Variants in TCF7 observed in about 807,000 individuals in gnomAD.
TCF7 encodes transcription factor 7, also known as T-cell-factor-7.
In TCF7, 19 loss-of-function variants were observed where a neutral mutation model predicts 46.8. The observed-to-expected ratio is 0.41, with a 90% CI of 0.28 to 0.60. The LOEUF is 0.60. Ranked by LOEUF, TCF7 falls within the 20% of genes least tolerant of loss-of-function variation. The pLI is 0.35. For synonymous variants in TCF7, 245 were observed against 213.4 expected (o/e 1.15, Z -1.29); for missense variants, 547 against 504.6 (o/e 1.08, Z -0.81).
At chr5:134,129,140 A>ACTTTC (rs942277961) in intron 3 of TCF7, among the ~76,000 whole-genome samples, 18 of 152,180 alleles carry the variant, frequency 1.2e-4, no homozygotes, top group African/African-American at 4.1e-4. Context: ...TCTGTGCTTC[A>ACTTTC]CTTTCCTCGT....
chr5:134,143,554 C>T (rs1208175776), intron 8 of TCF7, 38 bp from the exon 9 acceptor site: 3 of 1,613,758 alleles, frequency 1.9e-6, no homozygotes, highest in Non-Finnish European at 1.7e-6. Flanking sequence ...CAATGTCTGC[C>T]TCCCAGATCT....
chr5:134,110,963 A>T (rs137975654), upstream of TCF7, among the ~76,000 whole-genome samples: 11 of 152,352 alleles, frequency 7.2e-5, no homozygotes, highest in East Asian at 1.7e-3. Flanking sequence ...CAATTAGCCT[A>T]ACAACTTCCG....
At chr5:134,116,135 G>A (rs1444915838) in intron 3 of TCF7, 102 bp downstream of exon 3, 1 of 1,472,582 alleles carries the variant, frequency 6.8e-7, no homozygotes, top group Non-Finnish European at 9.0e-7. Context: ...AAATAGACGA[G>A]ACTCCTGTGC....
At chr5:134,111,601 C>G (rs187681818), upstream of TCF7, among the ~76,000 whole-genome samples, 1 of 152,266 alleles carries the variant, frequency 6.6e-6, no homozygotes, top group Admixed American at 6.5e-5. Context: ...TCTCTGCCAG[C>G]AAAGGTCTTG....
intron 9 of TCF7, chr5:134,145,191 G>C: frequency 1.7e-6 from 1 of 594,920 alleles, no homozygotes; most frequent in East Asian, 4.0e-5. Context: ...CCACTAAGGG[G>C]GCCTGGAGCC....
At chr5:134,141,285 CAGGGATAATACCTGTGCAAGCA>C (rs1452192740) in intron 5 of TCF7, 4 of 155,154 alleles carry the variant, frequency 2.6e-5, no homozygotes, top group Admixed American at 6.5e-5. Flanking sequence ...GCTGCTGGCT[CAGGGATAATACCTGTGCAAGCA>C]GTAAGGGGCA....
chr5:134,137,317 G>A (rs1467228554), intron 3 of TCF7, among the ~76,000 whole-genome samples: 2 of 151,778 alleles, frequency 1.3e-5, no homozygotes, highest in Non-Finnish European at 2.9e-5. Flanking sequence ...CCAGCTACTC[G>A]GGAAGCTGAG....
upstream of TCF7, among the ~76,000 whole-genome samples, chr5:134,111,321 C>G (rs956498621): frequency 6.6e-6 from 1 of 152,156 alleles, no homozygotes; most frequent in Admixed American, 6.5e-5. Context: ...GAAGATGAAG[C>G]CTTATTAAAT....
At chr5:134,115,611 C>G in intron 2 of TCF7, 1 of 1,432,708 alleles carries the variant, frequency 7.0e-7, no homozygotes, top group East Asian at 2.6e-5. Context: ...CCCGCCATCC[C>G]CGCCTCCCCT....
chr5:134,142,587 A>C (rs1760001188), intron 6 of TCF7, 134 bp from the exon 7 acceptor site: 1 of 1,212,528 alleles, frequency 8.2e-7, no homozygotes, highest in South Asian at 1.6e-5. Context: ...ATTTGGGGGC[A>C]GCTAGGAAAG....
rs1250459920 is a variant in TCF7, at chr5:134,126,812, G to A, written c.441+10779G>A. Among the ~76,000 whole-genome samples, 7 of 151,922 alleles carry A rather than the reference G, an allele frequency of 4.6e-5. 1 individual carries two copies. The South Asian group carries it at 8.3e-4, about 18-fold the overall frequency. ...CTCAGGAGGCTGAGGCAGGAGAATC[G>A]CATGAACCTGGGAGGCGGAGGTCAC... is the stretch of plus-strand genomic sequence containing the variant. On this transcript the variant is annotated intron_variant, in intron 3 of 9. Transcript: ENST00000342854.
intron 3 of TCF7, among the ~76,000 whole-genome samples, chr5:134,133,534 G>T (rs1039723119): frequency 1.3e-5 from 2 of 152,204 alleles, no homozygotes; most frequent in Admixed American, 1.3e-4. Context: ...AGGCCCTGGA[G>T]TGGGACGTTC....
At chr5:134,119,407 T>C (rs889382801) in intron 3 of TCF7, among the ~76,000 whole-genome samples, 1 of 152,192 alleles carries the variant, frequency 6.6e-6, no homozygotes. Context: ...TGGAATTAGA[T>C]CGTGGTGGCA....
rs1760586300 is a variant in TCF7 at position 134,145,668 on chromosome 5, GTATCCACATACA to G, written c.1076-552_1076-541del. ...AAGGAGGAGTTTGGGGTGTGTCTGTGTATCCACATACATATGCACGGTGGGAAACAACCCTGT... is the reference window on the plus strand; with the variant it reads ...AAGGAGGAGTTTGGGGTGTGTCTGTGTATGCACGGTGGGAAACAACCCTGT... On this transcript the variant is annotated intron_variant, in intron 9 of 9. Transcript: ENST00000342854. 1.3e-5 allele frequency: 19 copies of G among 1,515,432 alleles called. No homozygotes were observed. The South Asian group carries it at 2.2e-4, about 18-fold the overall frequency. 93.9% of individuals were successfully genotyped at this position (1,515,432 alleles called of 1,614,324 possible).
intron 3 of TCF7, among the ~76,000 whole-genome samples, chr5:134,129,067 G>A (rs553183880): frequency 6.6e-6 from 1 of 152,326 alleles, no homozygotes; most frequent in South Asian, 2.1e-4. Flanking sequence ...ACCCCAAAGG[G>A]CCAGATTCTA....
chr5:134,140,933 A>T (rs1433761949), intron 5 of TCF7: 2 of 354,692 alleles, frequency 5.6e-6, no homozygotes, highest in South Asian at 4.1e-5. Flanking sequence ...CCTGTTGCCC[A>T]GGCTTCAGAG....
chr5:134,138,613 C>T (rs566883219), intron 4 of TCF7: 8 of 312,488 alleles, frequency 2.6e-5, no homozygotes, highest in Non-Finnish European at 3.6e-5. Context: ...AGGCTGGGCT[C>T]CCCTAGACCA....
chr5:134,112,982 G>A (rs913957731), upstream of TCF7, among the ~76,000 whole-genome samples: 12 of 152,150 alleles, frequency 7.9e-5, no homozygotes, highest in African/African-American at 2.9e-4. Flanking sequence ...CATTGGGTTG[G>A]GCAGATCCGG....
chr5:134,137,487 A>G (rs1325143711), intron 3 of TCF7, among the ~76,000 whole-genome samples: 1 of 151,352 alleles, frequency 6.6e-6, no homozygotes, highest in Non-Finnish European at 1.5e-5. Flanking sequence ...GGTGCTGAGG[A>G]AACAGGAAGT....
Sources: gnomAD v4.1 joint callset for allele counts (sites outside exome capture counted in the v4.1 genomes callset) on GRCh38, gnomAD v4.1.1 for gene constraint, MANE v1.5 for transcripts, NCBI Gene and HGNC (gene_info 2026-07-23, HGNC 2026-07-21) for gene names.